The following EXOC4 variants were observed in gnomAD, a reference collection of about 807,000 sequenced individuals.
EXOC4 encodes exocyst complex component 4, also known as SEC8-like 1.
Under a neutral mutation model 107.2 loss-of-function variants are expected in EXOC4, and 71 were observed. That is an observed-to-expected ratio of 0.66 (90% confidence interval 0.55 to 0.81). EXOC4 has a LOEUF of 0.81. Among genes scored for constraint, EXOC4 ranks in the 30% least tolerant of loss-of-function variants. The probability of loss-of-function intolerance (pLI) is 0.00; values close to 1 mark genes in which losing one functional copy is unlikely to be tolerated. For missense variants in EXOC4, 1,108 were observed against 1,189.6 expected (o/e 0.93, Z 1.01); for synonymous variants, 456 against 441.2 (o/e 1.03, Z -0.42).
At chr7:133,982,790 C>T (rs1319389052) in intron 14 of EXOC4, among the ~76,000 whole-genome samples, 8 of 152,106 alleles carry the variant, frequency 5.3e-5, no homozygotes, top group African/African-American at 1.9e-4. Flanking sequence ...ATGAGAAAGT[C>T]GGAAATATGA....
chr7:133,920,921 G>C (rs1799922885), intron 13 of EXOC4, among the ~76,000 whole-genome samples: 1 of 152,130 alleles, frequency 6.6e-6, no homozygotes, highest in Non-Finnish European at 1.5e-5. Flanking sequence ...AATTTCACTA[G>C]GTACAGAAAT....
At chr7:134,081,325 A>C in the EXOC4 span, among the ~76,000 whole-genome samples, 3 of 152,170 alleles carry the variant, frequency 2.0e-5, no homozygotes, top group African/African-American at 7.2e-5. Context: ...CCTGGGTGAC[A>C]GGTGACAGAG....
At chr7:133,652,727 G>A (rs898994163) in intron 10 of EXOC4, among the ~76,000 whole-genome samples, 13 of 152,160 alleles carry the variant, frequency 8.5e-5, no homozygotes, top group Admixed American at 8.5e-4. Context: ...TTCCGCCTCC[G>A]AGCAAGCAGC....
At chr7:133,574,507 G>T (rs944873589) in intron 9 of EXOC4, among the ~76,000 whole-genome samples, 41 of 152,170 alleles carry the variant, frequency 2.7e-4, no homozygotes, top group African/African-American at 8.9e-4. Flanking sequence ...TGGGTAAATT[G>T]TTATATTTCT....
intron 7 of EXOC4, among the ~76,000 whole-genome samples, chr7:133,411,005 C>A (rs1268878590): frequency 6.6e-6 from 1 of 152,098 alleles, no homozygotes; most frequent in Non-Finnish European, 1.5e-5. Flanking sequence ...AAGTCAACCT[C>A]TCTGATCTTA....
intron 5 of EXOC4, among the ~76,000 whole-genome samples, chr7:133,350,236 A>G (rs1228688772): frequency 6.6e-6 from 1 of 152,140 alleles, no homozygotes; most frequent in African/African-American, 2.4e-5. Flanking sequence ...ATATCCAAAA[A>G]AATCATTACC....
At chr7:133,932,280 A>C (rs1165318332) in intron 13 of EXOC4, among the ~76,000 whole-genome samples, 2 of 152,228 alleles carry the variant, frequency 1.3e-5, no homozygotes, top group Non-Finnish European at 2.9e-5. Flanking sequence ...CTTAAAGAGC[A>C]CTGTCAAGGG....
intron 11 of EXOC4, among the ~76,000 whole-genome samples, chr7:133,839,778 C>A (rs903360518): frequency 1.3e-5 from 2 of 152,144 alleles, no homozygotes; most frequent in Non-Finnish European, 2.9e-5. Context: ...ACATGTATTT[C>A]CTTTCTTTGA....
At chr7:133,443,850 G>T (rs1798158944) in intron 7 of EXOC4, among the ~76,000 whole-genome samples, 1 of 152,162 alleles carries the variant, frequency 6.6e-6, no homozygotes, top group Non-Finnish European at 1.5e-5. Flanking sequence ...TACACAAAAA[G>T]CTCAAACTGT....
chr7:133,545,393 C>A (rs553138816), intron 9 of EXOC4, among the ~76,000 whole-genome samples: 1 of 152,078 alleles, frequency 6.6e-6, no homozygotes, highest in Non-Finnish European at 1.5e-5. Flanking sequence ...GTGTAAAATG[C>A]CTAGAACCGC....
intron 4 of EXOC4, 83 bp downstream of exon 4, chr7:133,306,144 A>C: frequency 8.3e-7 from 1 of 1,205,650 alleles, no homozygotes; most frequent in South Asian, 1.7e-5. Flanking sequence ...ATGTTGTTGT[A>C]ATTTATTTTA....
chr7:133,633,544 C>A (rs1200430375), intron 10 of EXOC4, among the ~76,000 whole-genome samples: 6 of 151,976 alleles, frequency 3.9e-5, no homozygotes, highest in Admixed American at 3.3e-4. Flanking sequence ...CATGGTGAAA[C>A]CCTGTCTCTA....
intron 5 of EXOC4, among the ~76,000 whole-genome samples, chr7:133,339,298 G>T (rs2150622407): frequency 6.6e-6 from 1 of 152,150 alleles, no homozygotes; most frequent in Middle Eastern, 3.4e-3. Context: ...TGTTTGCTTT[G>T]TCAAAGATCA....
chr7:133,579,758 C>G (rs999946000), intron 9 of EXOC4, among the ~76,000 whole-genome samples: 25 of 151,252 alleles, frequency 1.7e-4, no homozygotes, highest in African/African-American at 6.1e-4. Flanking sequence ...ATGATCTCAG[C>G]TCTCTGCAAC....
chr7:133,912,467 G>T (rs1434656911), intron 12 of EXOC4, among the ~76,000 whole-genome samples: 2 of 152,220 alleles, frequency 1.3e-5, no homozygotes, highest in East Asian at 3.9e-4. Context: ...GAGAGGCATG[G>T]TGAAGGGCAT....
intron 17 of EXOC4, among the ~76,000 whole-genome samples, chr7:134,047,821 TC>T (rs1795692031): frequency 6.6e-6 from 1 of 152,210 alleles, no homozygotes; most frequent in Non-Finnish European, 1.5e-5. Context: ...TGCTCTTAGG[TC>T]CTGTAACCTA....
chr7:133,384,729 C>A (rs1237617418), intron 7 of EXOC4, among the ~76,000 whole-genome samples: 29 of 79,610 alleles, frequency 3.6e-4, no homozygotes, highest in Non-Finnish European at 6.2e-4. Flanking sequence ...TTTTTTTAAG[C>A]GTATTTAAAA....
intron 9 of EXOC4, among the ~76,000 whole-genome samples, chr7:133,622,009 C>G (rs960554499): frequency 4.6e-5 from 7 of 152,144 alleles, no homozygotes; most frequent in Non-Finnish European, 8.8e-5. Context: ...GGGTCTCACT[C>G]TGTTGCCCAG....
chr7:133,834,422 A>G (rs1797874784), intron 11 of EXOC4, among the ~76,000 whole-genome samples: 1 of 152,206 alleles, frequency 6.6e-6, no homozygotes, highest in African/African-American at 2.4e-5. Context: ...TAGATTGTAC[A>G]ACCTTACCCT....
Sources: gnomAD v4.1 joint callset for allele counts (sites outside exome capture counted in the v4.1 genomes callset) on GRCh38, gnomAD v4.1.1 for gene constraint, MANE v1.5 for transcripts, NCBI Gene and HGNC (gene_info 2026-07-23, HGNC 2026-07-21) for gene names.